ACOXL: variants seen among roughly 807,000 people sequenced by gnomAD.
ACOXL encodes acyl-CoA oxidase like.
Under a neutral mutation model 71.9 loss-of-function variants are expected in ACOXL, and 70 were observed. The ratio of observed to expected loss-of-function variants is 0.97; its 90% CI spans 0.80 to 1.19. ACOXL has a LOEUF of 1.19. Among genes scored for constraint, ACOXL ranks in the 50% most tolerant of loss-of-function variants. The pLI is 0.00. For missense variants in ACOXL, 703 were observed against 736.3 expected (o/e 0.95, Z 0.52); for synonymous variants, 253 against 281.6 (o/e 0.90, Z 1.02).
intron 12 of ACOXL, among the ~76,000 whole-genome samples, chr2:110,959,268 C>A (rs986942195): frequency 6.6e-6 from 1 of 152,262 alleles, no homozygotes. Flanking sequence ...GAACCCCAGG[C>A]GGGAGGCTGT....
At chr2:110,810,674 C>T (rs2105410520) in intron 9 of ACOXL, among the ~76,000 whole-genome samples, 1 of 152,268 alleles carries the variant, frequency 6.6e-6, no homozygotes, top group East Asian at 1.9e-4. Context: ...TTTATCCATC[C>T]AATAATCCAT....
intron 16 of ACOXL, among the ~76,000 whole-genome samples, chr2:111,091,208 A>C (rs1366046936): frequency 6.6e-6 from 1 of 152,122 alleles, no homozygotes; most frequent in Non-Finnish European, 1.5e-5. Context: ...GAAGGTGGTA[A>C]CAGCTCCAGT....
intron 16 of ACOXL, among the ~76,000 whole-genome samples, chr2:111,057,685 A>C (rs184873955): frequency 1.6e-4 from 25 of 152,308 alleles, no homozygotes; most frequent in Non-Finnish European, 2.8e-4. Context: ...TCCTCCACAA[A>C]GTTCTGCTAT....
At chr2:111,023,001 G>C (rs2064843598) in intron 14 of ACOXL, among the ~76,000 whole-genome samples, 2 of 152,114 alleles carry the variant, frequency 1.3e-5, no homozygotes, top group African/African-American at 4.8e-5. Flanking sequence ...CATAGTGTTG[G>C]CCTCTACTTG....
intron 10 of ACOXL, among the ~76,000 whole-genome samples, chr2:110,860,715 G>A (rs116413336): frequency 9.4e-4 from 143 of 152,338 alleles, no homozygotes; most frequent in Non-Finnish European, 1.5e-3. Flanking sequence ...GATCTTCAGT[G>A]CAGAGACCAG....
intron 1 of ACOXL, among the ~76,000 whole-genome samples, chr2:110,741,541 A>G (rs1181745525): frequency 6.6e-6 from 1 of 152,188 alleles, no homozygotes; most frequent in African/African-American, 2.4e-5. Context: ...AAGAAGTTAC[A>G]CGTGCACCCG....
At chr2:110,779,053 A>T (rs972168809) in intron 2 of ACOXL, among the ~76,000 whole-genome samples, 1 of 152,210 alleles carries the variant, frequency 6.6e-6, no homozygotes, top group Admixed American at 6.5e-5. Context: ...CCAGGGGAAG[A>T]GGTATTACAT....
chr2:110,734,483 C>G (rs1676582359), intron 1 of ACOXL, among the ~76,000 whole-genome samples: 1 of 152,074 alleles, frequency 6.6e-6, no homozygotes, highest in Non-Finnish European at 1.5e-5. Context: ...GTTGGCCAGG[C>G]TGGTCTTGAA....
intron 12 of ACOXL, among the ~76,000 whole-genome samples, chr2:110,952,273 G>A (rs924710472): frequency 6.6e-5 from 10 of 152,094 alleles, no homozygotes; most frequent in Admixed American, 5.2e-4. Context: ...TAAAGTCCAT[G>A]ATACCCTTTT....
At chr2:110,933,345 G>C in intron 11 of ACOXL, 144 bp from the exon 12 acceptor site, 1 of 986,782 alleles carries the variant, frequency 1.0e-6, no homozygotes, top group African/African-American at 1.6e-5. Flanking sequence ...TTATTTTTTA[G>C]TGACTATCTA....
chr2:111,030,925 T>G (rs1355011823), intron 14 of ACOXL, among the ~76,000 whole-genome samples: 2 of 152,212 alleles, frequency 1.3e-5, no homozygotes, highest in Non-Finnish European at 2.9e-5. Flanking sequence ...TTCTGTTCTC[T>G]GTGCCTTCTT....
intron 10 of ACOXL, among the ~76,000 whole-genome samples, chr2:110,859,805 AGGGT>A (rs2148975406): frequency 6.6e-6 from 1 of 152,250 alleles, no homozygotes; most frequent in East Asian, 1.9e-4. Flanking sequence ...CTTGCATCTG[AGGGT>A]GGCAACCAAG....
At chr2:111,059,399 A>G (rs2066696615) in intron 16 of ACOXL, among the ~76,000 whole-genome samples, 1 of 152,246 alleles carries the variant, frequency 6.6e-6, no homozygotes, top group South Asian at 2.1e-4. Context: ...AACATTCAAT[A>G]TCAGGATTAA....
chr2:110,926,611 A>G (rs2060279000), intron 11 of ACOXL, among the ~76,000 whole-genome samples: 1 of 152,174 alleles, frequency 6.6e-6, no homozygotes, highest in Non-Finnish European at 1.5e-5. Flanking sequence ...GAGTGAGTGA[A>G]TATTTGAACA....
At chr2:111,102,321 T>A (rs545974658) in intron 17 of ACOXL, among the ~76,000 whole-genome samples, 3 of 152,224 alleles carry the variant, frequency 2.0e-5, no homozygotes, top group Admixed American at 6.5e-5. Context: ...GCAATCCCTG[T>A]TTCCTCATGG....
intron 15 of ACOXL, among the ~76,000 whole-genome samples, chr2:111,033,236 G>A (rs2065356049): frequency 6.6e-6 from 1 of 152,170 alleles, no homozygotes; most frequent in Non-Finnish European, 1.5e-5. Context: ...GGTCATGAAG[G>A]CACAGGATTG....
At position 111,117,618 on chromosome 2, in the gene ACOXL, G is replaced by A; in HGVS notation, c.1545G>A (p.Leu515=). The A allele has an allele frequency of 1.9e-6, 3 of 1,551,658 alleles. No homozygotes were observed. The highest frequency in any genetic ancestry group is 2.6e-6 in the Non-Finnish European group (3 of 1,147,014). ...PMASTRIRNQ[L]LDLCDSVKDD... ...TCCCATTGTGTTGTGTTTTGCAGTT[G>A]CTGGATTTGTGCGACTCGGTGAAGG... The change falls in exon 18 of 18, where the codon TTG becomes TTA. Residue 515 remains leucine (L), a splice_region_variant and synonymous_variant. Transcript: ENST00000439055.
At chr2:110,993,702 G>A (rs56820531) in intron 13 of ACOXL, among the ~76,000 whole-genome samples, 5,262 of 152,230 alleles carry the variant, frequency 0.035, 151 homozygotes, top group East Asian at 0.11. Flanking sequence ...ATCAGAAACT[G>A]TGACAACATT....
At chr2:111,046,573 G>A (rs979007784) in intron 15 of ACOXL, among the ~76,000 whole-genome samples, 4 of 152,130 alleles carry the variant, frequency 2.6e-5, no homozygotes, top group South Asian at 2.1e-4. Context: ...GAAAAGTGCC[G>A]AGCAAAAGGG....
Sources: allele counts gnomAD v4.1 joint callset (sites outside exome capture counted in the v4.1 genomes callset), GRCh38; gene constraint gnomAD v4.1.1; transcripts MANE v1.5; gene names NCBI Gene and HGNC (gene_info 2026-07-23, HGNC 2026-07-21).